TRABD2B: variants seen among roughly 807,000 people sequenced by gnomAD.
The protein encoded by TRABD2B is TraB domain containing 2B, also known as metalloprotease TIKI2.
Under a neutral mutation model 40.1 loss-of-function variants are expected in TRABD2B, and 14 were observed. That is an observed-to-expected ratio of 0.35 (90% confidence interval 0.23 to 0.55). The LOEUF is 0.55. Ranked by LOEUF, TRABD2B falls within the 20% of genes least tolerant of loss-of-function variation. The probability of loss-of-function intolerance (pLI) is 0.90; values close to 1 mark genes in which losing one functional copy is unlikely to be tolerated. For missense variants in TRABD2B, 541 were observed against 648.6 expected (o/e 0.83, Z 1.80); for synonymous variants, 263 against 277.0 (o/e 0.95, Z 0.50).
chr1:47,781,822 A>G (rs1192981111), intron 4 of TRABD2B, among the ~76,000 whole-genome samples: 1 of 151,810 alleles, frequency 6.6e-6, no homozygotes, highest in Non-Finnish European at 1.5e-5. Context: ...TGTTTCTACC[A>G]CCCTGCCCTC....
chr1:47,883,158 T>A (rs528089228), intron 2 of TRABD2B, among the ~76,000 whole-genome samples: 121 of 152,244 alleles, frequency 7.9e-4, no homozygotes, highest in African/African-American at 2.5e-3. Context: ...TGCCTCCATA[T>A]ACCCAGCTTG....
intron 3 of TRABD2B, among the ~76,000 whole-genome samples, chr1:47,799,730 C>T (rs888900257): frequency 6.6e-6 from 1 of 152,156 alleles, no homozygotes; most frequent in Non-Finnish European, 1.5e-5. Context: ...ATGGTTTCCT[C>T]TGCTGGAATA....
At chr1:47,905,897 G>T (rs920706350) in intron 2 of TRABD2B, among the ~76,000 whole-genome samples, 2 of 152,182 alleles carry the variant, frequency 1.3e-5, no homozygotes, top group African/African-American at 4.8e-5. Flanking sequence ...CCTGATGGTT[G>T]TTGCTTCCCA....
intron 2 of TRABD2B, among the ~76,000 whole-genome samples, chr1:47,986,377 T>C (rs1645919158): frequency 6.6e-6 from 1 of 152,172 alleles, no homozygotes. Flanking sequence ...AACCACAGAA[T>C]ATACCACAAA....
chr1:47,980,164 G>A (rs888467881), intron 2 of TRABD2B, among the ~76,000 whole-genome samples: 1 of 152,082 alleles, frequency 6.6e-6, no homozygotes, highest in African/African-American at 2.4e-5. Context: ...CTCCACATGT[G>A]AGTGTTATGA....
At chr1:47,917,570 A>T (rs556533192) in intron 2 of TRABD2B, among the ~76,000 whole-genome samples, 323 of 146,100 alleles carry the variant, frequency 2.2e-3, no homozygotes, top group African/African-American at 8.0e-3. Context: ...AAAATAAAAT[A>T]AAAAAAAAAA....
intron 3 of TRABD2B, among the ~76,000 whole-genome samples, chr1:47,798,052 GCCGGGC>G: frequency 6.6e-6 from 1 of 152,252 alleles, no homozygotes; most frequent in Admixed American, 6.5e-5. Flanking sequence ...AATTCCATGA[GCCGGGC>G]CCTGTGTTGG....
chr1:47,939,088 G>A (rs1452696912), intron 2 of TRABD2B, among the ~76,000 whole-genome samples: 1 of 152,132 alleles, frequency 6.6e-6, no homozygotes, highest in South Asian at 2.1e-4. Flanking sequence ...AGAGAACGAG[G>A]ATCACGGAGA....
chr1:47,990,811 A>T (rs1401782550), intron 2 of TRABD2B, among the ~76,000 whole-genome samples: 5 of 78,988 alleles, frequency 6.3e-5, no homozygotes, highest in Non-Finnish European at 1.2e-4. Context: ...ATATATATAT[A>T]TATATATATA....
chr1:47,776,563 A>C (rs1037062385), intron 5 of TRABD2B, among the ~76,000 whole-genome samples: 1 of 152,172 alleles, frequency 6.6e-6, no homozygotes, highest in East Asian at 1.9e-4. Flanking sequence ...ATACACGTGC[A>C]CCGCTTAGCC....
intron 2 of TRABD2B, among the ~76,000 whole-genome samples, chr1:47,879,405 C>A (rs571934366): frequency 6.6e-6 from 1 of 152,204 alleles, no homozygotes; most frequent in South Asian, 2.1e-4. Context: ...CAATTGCCTA[C>A]AATATTCAGT....
chr1:47,976,141 TCCTG>T (rs1482052501), intron 2 of TRABD2B, among the ~76,000 whole-genome samples: 1 of 152,314 alleles, frequency 6.6e-6, no homozygotes, highest in African/African-American at 2.4e-5. Flanking sequence ...CAAGATCTTT[TCCTG>T]CCTAATTTCT....
chr1:47,890,221 T>C (rs1644425581), intron 2 of TRABD2B, among the ~76,000 whole-genome samples: 1 of 152,226 alleles, frequency 6.6e-6, no homozygotes, highest in South Asian at 2.1e-4. Flanking sequence ...TAGAAGTAAC[T>C]ACAACAGACT....
At chr1:47,928,866 C>A (rs1004671365) in intron 2 of TRABD2B, among the ~76,000 whole-genome samples, 1 of 152,222 alleles carries the variant, frequency 6.6e-6, no homozygotes, top group Non-Finnish European at 1.5e-5. Flanking sequence ...GCCTAAACAT[C>A]ATGTCCTCTG....
intron 2 of TRABD2B, among the ~76,000 whole-genome samples, chr1:47,861,151 C>T (rs1270871113): frequency 1.3e-5 from 2 of 152,118 alleles, no homozygotes; most frequent in Non-Finnish European, 2.9e-5. Flanking sequence ...CCTCAATAAT[C>T]CCTTTTAGGT....
At chr1:47,883,891 C>T (rs1382927061) in intron 2 of TRABD2B, among the ~76,000 whole-genome samples, 2 of 152,188 alleles carry the variant, frequency 1.3e-5, no homozygotes, top group Non-Finnish European at 2.9e-5. Flanking sequence ...GCCTACTCAA[C>T]TTTACCAAAA....
At chr1:47,943,301 C>T (rs80216197) in intron 2 of TRABD2B, among the ~76,000 whole-genome samples, 1 of 152,194 alleles carries the variant, frequency 6.6e-6, no homozygotes, top group Non-Finnish European at 1.5e-5. Context: ...CACAGGTAAA[C>T]TGTAAAATGT....
At chr1:47,859,977 G>A (rs970268193) in intron 2 of TRABD2B, among the ~76,000 whole-genome samples, 1 of 152,156 alleles carries the variant, frequency 6.6e-6, no homozygotes, top group Non-Finnish European at 1.5e-5. Context: ...CTTGCCCAGG[G>A]TCACCCAACT....
chr1:47,937,633 A>C (rs1307069322), intron 2 of TRABD2B, among the ~76,000 whole-genome samples: 1 of 148,252 alleles, frequency 6.7e-6, no homozygotes, highest in Non-Finnish European at 1.5e-5. Flanking sequence ...CCATTCACAG[A>C]ATTTTTAGGA....
Sources: allele counts gnomAD v4.1 joint callset (sites outside exome capture counted in the v4.1 genomes callset), GRCh38; gene constraint gnomAD v4.1.1; transcripts MANE v1.5; gene names NCBI Gene and HGNC (gene_info 2026-07-23, HGNC 2026-07-21).